The following ARHGAP21 variants were observed in gnomAD, a reference collection of about 807,000 sequenced individuals.
ARHGAP21 encodes the protein rho GTPase-activating protein 21.
ARHGAP21 carries 38 observed loss-of-function variants against 164.6 expected under a neutral mutation model. That is an observed-to-expected ratio of 0.23 (90% CI 0.18 to 0.30). The LOEUF is 0.30. Ranked by LOEUF, ARHGAP21 falls within the 10% of genes least tolerant of loss-of-function variation. The pLI, the probability that ARHGAP21 is intolerant of heterozygous loss-of-function variation, is 1.00. For synonymous variants in ARHGAP21, 766 were observed against 857.9 expected (o/e 0.89, Z 1.87); for missense variants, 1,822 against 2,370.7 (o/e 0.77, Z 4.81).
chr10:24,620,181 T>C lies in ARHGAP21; in HGVS notation c.1714A>G (p.Met572Val), dbSNP rs1204707456. The C allele has an allele frequency of 6.2e-7, 1 of 1,613,858 alleles. No individual in the cohort carries two copies. Among genetic ancestry groups the C allele is most frequent in the African/African-American group, 1.3e-5 (1 of 74,922 alleles). ...ACAGATCCCACTCCTCTACCACTCA[T>C]TCGCCTGTTATCAGAATTAACAACG... is the stretch of plus-strand genomic sequence containing the variant. Reference protein sequence around the residue: ...PSVVNSDNRRMSGRGVGSVSQ... With the variant: ...PSVVNSDNRRVSGRGVGSVSQ... Residue 572 changes from methionine (M) to valine (V), a missense_variant, in exon 9 of 26, where the codon ATG becomes GTG. By Grantham distance (21) the Met-to-Val change is conservative (BLOSUM62 1). Transcript: ENST00000396432.
At chr10:24,692,531 A>G (rs1462324732) in intron 2 of ARHGAP21, among the ~76,000 whole-genome samples, 1 of 152,248 alleles carries the variant, frequency 6.6e-6, no homozygotes, top group Non-Finnish European at 1.5e-5. Flanking sequence ...CCAAATGTCC[A>G]TTAAGAGTAG....
At chr10:24,596,966 G>A in intron 16 of ARHGAP21, 84 bp from the exon 17 acceptor site, 1 of 1,409,834 alleles carries the variant, frequency 7.1e-7, no homozygotes, top group Non-Finnish European at 9.5e-7. Context: ...CTTTATCAAT[G>A]TTTACATAAA....
intron 4 of ARHGAP21, among the ~76,000 whole-genome samples, chr10:24,656,848 T>A (rs1373135485): frequency 6.3e-3 from 52 of 8,288 alleles, no homozygotes; most frequent in Admixed American, 0.02. Context: ...GGTGGGGGGG[T>A]CGGCCCCCCG....
chr10:24,636,907 T>C (rs1836445733), intron 4 of ARHGAP21, among the ~76,000 whole-genome samples: 1 of 152,226 alleles, frequency 6.6e-6, no homozygotes, highest in South Asian at 2.1e-4. Context: ...TACATGTTTG[T>C]TGTATATCTC....
intron 6 of ARHGAP21, 31 bp from the exon 7 acceptor site, chr10:24,630,081 A>C (rs201381846): frequency 7.9e-7 from 1 of 1,263,584 alleles, no homozygotes; most frequent in Non-Finnish European, 1.1e-6. Flanking sequence ...ATTTTAGGAG[A>C]GGTAGAAGTG....
chr10:24,664,562 AAAAATAAT>A (rs1479829821), intron 4 of ARHGAP21, among the ~76,000 whole-genome samples: 2 of 150,836 alleles, frequency 1.3e-5, no homozygotes, highest in African/African-American at 4.9e-5. Flanking sequence ...CTCAAAAAAA[AAAAATAAT>A]AATAATAATA....
rs1564966894 is a variant in ARHGAP21 at position 24,595,043 on chromosome 10, A to C, written c.3787-4T>G. 4.3e-6 allele frequency: 7 copies of C among 1,611,888 alleles called. No individual in the cohort carries two copies. Among genetic ancestry groups the C allele is most frequent in the Middle Eastern group, 1.6e-4 (1 of 6,080 alleles). Reference sequence around the variant, plus strand: ...GATGTTCAGGCAAATCGTGAATCTGAAACAGATTATTTTCACAATGGATTC... The same window carrying C: ...GATGTTCAGGCAAATCGTGAATCTGCAACAGATTATTTTCACAATGGATTC... On this transcript the variant is annotated splice_region_variant and splice_polypyrimidine_tract_variant and intron_variant, in intron 20 of 25. Coordinates refer to ENST00000396432, the MANE Select transcript of ARHGAP21 (RefSeq NM_020824.4).
At chr10:24,683,263 A>G (rs536675155) in intron 2 of ARHGAP21, among the ~76,000 whole-genome samples, 1 of 152,140 alleles carries the variant, frequency 6.6e-6, no homozygotes, top group Non-Finnish European at 1.5e-5. Context: ...TTACTTGGAC[A>G]TTCATTTATA....
At chr10:24,674,777 C>T (rs1446989151) in intron 2 of ARHGAP21, among the ~76,000 whole-genome samples, 1 of 152,166 alleles carries the variant, frequency 6.6e-6, no homozygotes, top group East Asian at 1.9e-4. Context: ...AAAGGCAAGC[C>T]ATAGAATGGG....
intron 6 of ARHGAP21, among the ~76,000 whole-genome samples, chr10:24,632,532 T>C (rs1835946204): frequency 6.6e-6 from 1 of 152,136 alleles, no homozygotes; most frequent in African/African-American, 2.4e-5. Flanking sequence ...TTGTAAGAAA[T>C]GGCAATGTAT....
intron 4 of ARHGAP21, among the ~76,000 whole-genome samples, chr10:24,650,293 G>C (rs1433890595): frequency 6.6e-6 from 1 of 152,124 alleles, no homozygotes; most frequent in African/African-American, 2.4e-5. Context: ...TAGTGCCTGA[G>C]GGGGACTGCC....
intron 2 of ARHGAP21, among the ~76,000 whole-genome samples, chr10:24,690,743 G>C (rs528801328): frequency 7.9e-5 from 12 of 151,628 alleles, no homozygotes; most frequent in Non-Finnish European, 1.6e-4. Flanking sequence ...CAAAAGAATC[G>C]CTTGAACCCA....
chr10:24,594,923 C>T (rs770998395), intron 21 of ARHGAP21, 27 bp downstream of exon 21: 5 of 1,549,686 alleles, frequency 3.2e-6, no homozygotes, highest in African/African-American at 1.4e-5. Context: ...ACTAAAAGTA[C>T]ATTTCTTCAA....
chr10:24,656,006 C>A (rs1202594227), intron 4 of ARHGAP21, among the ~76,000 whole-genome samples: 1 of 139,278 alleles, frequency 7.2e-6, no homozygotes, highest in Non-Finnish European at 1.5e-5. Flanking sequence ...AGTGAGGAGC[C>A]CCTCCGCCCG....
At chr10:24,611,138 G>A (rs1348093048) in intron 9 of ARHGAP21, among the ~76,000 whole-genome samples, 1 of 152,178 alleles carries the variant, frequency 6.6e-6, no homozygotes, top group Non-Finnish European at 1.5e-5. Flanking sequence ...CCCTCCTGTG[G>A]GCGGGCATGA....
At chr10:24,604,025 G>A (rs976033592) in intron 12 of ARHGAP21, among the ~76,000 whole-genome samples, 1 of 150,582 alleles carries the variant, frequency 6.6e-6, no homozygotes, top group Non-Finnish European at 1.5e-5. Flanking sequence ...TATGAGGGGA[G>A]GGAGAAGAAA....
At chr10:24,641,536 T>C (rs1016991244) in intron 4 of ARHGAP21, among the ~76,000 whole-genome samples, 12 of 152,364 alleles carry the variant, frequency 7.9e-5, no homozygotes, top group African/African-American at 2.9e-4. Context: ...AATCACATTA[T>C]ATCTATTATT....
chr10:24,710,232 A>G (rs1276338397), intron 2 of ARHGAP21, among the ~76,000 whole-genome samples: 1 of 152,180 alleles, frequency 6.6e-6, no homozygotes, highest in Non-Finnish European at 1.5e-5. Flanking sequence ...TAGAATCTCT[A>G]GATAGAGAGT....
At chr10:24,682,392 G>T (rs557686790) in intron 2 of ARHGAP21, among the ~76,000 whole-genome samples, 6 of 152,268 alleles carry the variant, frequency 3.9e-5, no homozygotes, top group African/African-American at 1.4e-4. Context: ...GCCATGAATA[G>T]GAAGGGAATA....
Sources: gnomAD v4.1 joint callset for allele counts (sites outside exome capture counted in the v4.1 genomes callset) on GRCh38, gnomAD v4.1.1 for gene constraint, MANE v1.5 for transcripts, NCBI Gene and HGNC (gene_info 2026-07-23, HGNC 2026-07-21) for gene names.